The following DLGAP1 variants were observed in gnomAD, a reference collection of about 807,000 sequenced individuals.
The protein encoded by DLGAP1 is disks large-associated protein 1.
In DLGAP1, 11 loss-of-function variants were observed where a neutral mutation model predicts 90.8. The ratio of observed to expected loss-of-function variants is 0.12; its 90% CI spans 0.08 to 0.20. The LOEUF is 0.20. Ranked by LOEUF, DLGAP1 falls within the 10% of genes least tolerant of loss-of-function variation. The pLI is 1.00. For missense variants in DLGAP1, 1,050 were observed against 1,333.8 expected (o/e 0.79, Z 3.31); for synonymous variants, 558 against 540.7 (o/e 1.03, Z -0.44).
chr18:3,688,660 CA>C lies in DLGAP1; in HGVS notation c.1591+40474del, dbSNP rs1567965752. Among the ~76,000 whole-genome samples the C allele has an allele frequency of 8.4e-3, 563 of 66,992 alleles. 2 individuals carry two copies. The highest frequency in any genetic ancestry group is 0.036 in the African/African-American group (501 of 13,928). 43.9% of individuals were successfully genotyped at this position (66,992 alleles called of 152,430 possible). ...ACACACACACACACACACACACACACACACACACCCTACCAAAAATAAGAAA... is the reference window on the plus strand; with the variant it reads ...ACACACACACACACACACACACACACCACACACCCTACCAAAAATAAGAAA... On this transcript the variant is annotated intron_variant, in intron 7 of 12. Transcript: ENST00000315677.
chr18:3,867,275 G>C (rs1016175073), intron 4 of DLGAP1, among the ~76,000 whole-genome samples: 1 of 152,130 alleles, frequency 6.6e-6, no homozygotes, highest in Non-Finnish European at 1.5e-5. Context: ...CACAACTGAG[G>C]GCCATGGAAA....
chr18:4,367,778 G>A (rs984799583), intron 1 of DLGAP1, among the ~76,000 whole-genome samples: 5 of 152,018 alleles, frequency 3.3e-5, no homozygotes, highest in African/African-American at 4.8e-5. Context: ...GAACCCGGGA[G>A]GCAGAGCTTG....
chr18:3,547,301 CA>C (rs765095049), intron 9 of DLGAP1, among the ~76,000 whole-genome samples: 1,838 of 45,334 alleles, frequency 0.041, 17 homozygotes, highest in African/African-American at 0.13. Context: ...GACTCCGTCT[CA>C]AAAAAAAAAA....
At chr18:4,291,450 T>C (rs756250963) in intron 1 of DLGAP1, among the ~76,000 whole-genome samples, 74 of 152,248 alleles carry the variant, frequency 4.9e-4, no homozygotes, top group Non-Finnish European at 8.8e-4. Context: ...AACAAGACAG[T>C]CCAGTGAAAG....
intron 2 of DLGAP1, among the ~76,000 whole-genome samples, chr18:4,146,626 T>C (rs2076589608): frequency 6.6e-6 from 1 of 152,150 alleles, no homozygotes; most frequent in Non-Finnish European, 1.5e-5. Flanking sequence ...GGCTAGGACA[T>C]TTATGTTTTA....
chr18:4,152,783 G>T (rs2144418175), intron 1 of DLGAP1, among the ~76,000 whole-genome samples: 1 of 152,226 alleles, frequency 6.6e-6, no homozygotes, highest in South Asian at 2.1e-4. Context: ...AAAGCTTTTA[G>T]TCATACTTTA....
At chr18:3,903,479 C>T (rs1284762475) in intron 3 of DLGAP1, among the ~76,000 whole-genome samples, 8 of 152,174 alleles carry the variant, frequency 5.3e-5, no homozygotes, top group East Asian at 1.9e-4. Flanking sequence ...CATGGATTTA[C>T]GTATGACTAG....
chr18:3,823,099 G>C (rs2067511449), intron 4 of DLGAP1, among the ~76,000 whole-genome samples: 2 of 152,198 alleles, frequency 1.3e-5, no homozygotes, highest in African/African-American at 4.8e-5. Flanking sequence ...TCTGGTTCTT[G>C]TAGCCAAGCC....
intron 1 of DLGAP1, among the ~76,000 whole-genome samples, chr18:4,184,467 C>T (rs1381289140): frequency 6.6e-6 from 1 of 152,046 alleles, no homozygotes; most frequent in Non-Finnish European, 1.5e-5. Flanking sequence ...TTTTAGTTAA[C>T]TCAGAGAAGA....
chr18:4,410,797 C>T (rs997507119), intron 1 of DLGAP1, among the ~76,000 whole-genome samples: 4 of 152,070 alleles, frequency 2.6e-5, no homozygotes, highest in East Asian at 1.9e-4. Context: ...TTGCTATGCA[C>T]GACAACATCG....
At position 3,882,467 on chromosome 18, in the gene DLGAP1, C is replaced by G. The variant is rs185296569; in HGVS notation, c.-72-2327G>C. On this transcript the variant is annotated intron_variant, in intron 3 of 12. Coordinates refer to ENST00000315677, the MANE Select transcript of DLGAP1 (RefSeq NM_004746.4). ...GCTTGAGCCCAGGAGGTTGAGGTTGCAATGAGTTGTGAATGCACCGCTATA... is the reference window on the plus strand; with the variant it reads ...GCTTGAGCCCAGGAGGTTGAGGTTGGAATGAGTTGTGAATGCACCGCTATA... Among the ~76,000 whole-genome samples, 7 of 145,658 alleles carry G rather than the reference C, an allele frequency of 4.8e-5. No individual in the cohort carries two copies. The East Asian group carries it at 1.4e-3, about 29-fold the overall frequency.
intron 1 of DLGAP1, among the ~76,000 whole-genome samples, chr18:4,170,400 G>A (rs2077003003): frequency 6.6e-6 from 1 of 152,140 alleles, no homozygotes; most frequent in Non-Finnish European, 1.5e-5. Context: ...TAATAAGGAT[G>A]ATAAGTAGGG....
intron 1 of DLGAP1, among the ~76,000 whole-genome samples, chr18:4,274,030 CT>C (rs565443015): frequency 1.4e-5 from 2 of 147,450 alleles, no homozygotes; most frequent in East Asian, 3.9e-4. Context: ...CTGCTCAAAT[CT>C]TTATTATTTG....
intron 7 of DLGAP1, among the ~76,000 whole-genome samples, chr18:3,726,286 T>C (rs990416073): frequency 2.0e-5 from 3 of 152,190 alleles, no homozygotes; most frequent in Non-Finnish European, 4.4e-5. Flanking sequence ...GATGAGTGTA[T>C]TCTTTCAAAA....
At chr18:3,585,269 C>G (rs2055811638) in intron 7 of DLGAP1, among the ~76,000 whole-genome samples, 1 of 152,238 alleles carries the variant, frequency 6.6e-6, no homozygotes, top group Admixed American at 6.5e-5. Flanking sequence ...AAATATCTTG[C>G]CTCACTCAAT....
chr18:4,068,844 G>C (rs918763048), intron 2 of DLGAP1, among the ~76,000 whole-genome samples: 3 of 152,180 alleles, frequency 2.0e-5, no homozygotes, highest in African/African-American at 7.2e-5. Context: ...ATGTCCACGC[G>C]TACAGGTGAG....
chr18:3,947,488 T>G (rs575854120), intron 3 of DLGAP1, among the ~76,000 whole-genome samples: 2 of 152,386 alleles, frequency 1.3e-5, no homozygotes, highest in Admixed American at 1.3e-4. Context: ...TTCATTACTC[T>G]GCACTCTGGG....
chr18:3,914,620 A>AT (rs2072103963), intron 3 of DLGAP1, among the ~76,000 whole-genome samples: 1 of 152,066 alleles, frequency 6.6e-6, no homozygotes, highest in Admixed American at 6.6e-5. Flanking sequence ...TTTGTTTTTA[A>AT]TTTTTTGAGG....
chr18:4,059,820 C>T (rs1468491390), intron 2 of DLGAP1, among the ~76,000 whole-genome samples: 2 of 152,294 alleles, frequency 1.3e-5, no homozygotes, highest in South Asian at 2.1e-4. Context: ...CTTCTTCAGT[C>T]TTTTATAACT....
Sources: gnomAD v4.1 joint callset for allele counts (sites outside exome capture counted in the v4.1 genomes callset) on GRCh38, gnomAD v4.1.1 for gene constraint, MANE v1.5 for transcripts, NCBI Gene and HGNC (gene_info 2026-07-23, HGNC 2026-07-21) for gene names.